EYS: variants seen among roughly 807,000 people sequenced by gnomAD.
EYS encodes the protein protein eyes shut homolog.
Under a neutral mutation model 282.1 loss-of-function variants are expected in EYS, and 250 were observed. That is an observed-to-expected ratio of 0.89 (90% CI 0.80 to 0.98). EYS has a LOEUF of 0.98. Ranked by LOEUF, EYS falls within the 50% of genes least tolerant of loss-of-function variation. The pLI, the probability that EYS is intolerant of heterozygous loss-of-function variation, is 0.00. For missense variants in EYS, 4,016 were observed against 3,709.0 expected (o/e 1.08, Z -2.15); for synonymous variants, 1,355 against 1,282.9 (o/e 1.06, Z -1.20).
intron 13 of EYS, among the ~76,000 whole-genome samples, chr6:65,011,327 C>T (rs1426224626): frequency 6.6e-6 from 1 of 152,212 alleles, no homozygotes; most frequent in East Asian, 1.9e-4. Flanking sequence ...TAATCCCCTG[C>T]ATTGCAGGCC....
intron 12 of EYS, among the ~76,000 whole-genome samples, chr6:65,282,428 A>G (rs1460153709): frequency 6.6e-6 from 1 of 152,034 alleles, no homozygotes; most frequent in Non-Finnish European, 1.5e-5. Flanking sequence ...ATAAAAACAT[A>G]ACATTGGCTC....
chr6:64,210,929 C>G (rs1223539070), intron 31 of EYS, among the ~76,000 whole-genome samples: 1 of 152,172 alleles, frequency 6.6e-6, no homozygotes, highest in Non-Finnish European at 1.5e-5. Flanking sequence ...TTTGCCTGCC[C>G]TTGGACATCA....
At chr6:65,008,636 T>C (rs956453725) in intron 13 of EYS, among the ~76,000 whole-genome samples, 2 of 152,178 alleles carry the variant, frequency 1.3e-5, no homozygotes, top group Non-Finnish European at 2.9e-5. Context: ...CCCTTGTCCA[T>C]ACCCCTTATG....
chr6:64,725,161 T>C (rs564391215), intron 22 of EYS, among the ~76,000 whole-genome samples: 161 of 152,276 alleles, frequency 1.1e-3, no homozygotes, highest in African/African-American at 3.8e-3. Context: ...CTAATATAGA[T>C]GTTGCTTGTA....
intron 29 of EYS, among the ~76,000 whole-genome samples, chr6:64,381,174 C>G (rs1772736932): frequency 6.6e-6 from 1 of 152,050 alleles, no homozygotes; most frequent in Middle Eastern, 3.2e-3. Context: ...TTTCTTTATA[C>G]TAACGTTCTT....
chr6:65,491,264 G>GTT (rs1392343147), intron 4 of EYS: 9 of 165,406 alleles, frequency 5.4e-5, no homozygotes, highest in African/African-American at 2.7e-4. Flanking sequence ...CACTATATCA[G>GTT]TTATATACAC....
chr6:64,368,431 A>G (rs1772248356), intron 29 of EYS, among the ~76,000 whole-genome samples: 1 of 152,104 alleles, frequency 6.6e-6, no homozygotes, highest in Non-Finnish European at 1.5e-5. Flanking sequence ...GGTTAGAATG[A>G]TTTATATTCT....
At chr6:65,564,429 C>G (rs1019902644) in intron 2 of EYS, among the ~76,000 whole-genome samples, 22 of 151,970 alleles carry the variant, frequency 1.4e-4, no homozygotes, top group Non-Finnish European at 2.9e-4. Context: ...AACAGATATA[C>G]AGAGCAATGG....
chr6:65,429,612 G>T lies in EYS; in HGVS notation c.863-24245C>A, dbSNP rs527387066. On this transcript the variant is annotated intron_variant, in intron 5 of 42. Transcript: ENST00000503581. ...CAAACCCAATTTGCTAATTTATGTT[G>T]GTAACACCAACCCTCCAGATTACAC... Among the ~76,000 whole-genome samples, 36 of 152,060 alleles carry T rather than the reference G, an allele frequency of 2.4e-4. No individual in the cohort carries two copies. The East Asian group carries it at 5.4e-3, about 23-fold the overall frequency.
intron 11 of EYS, among the ~76,000 whole-genome samples, chr6:65,326,533 A>G (rs1769627213): frequency 6.6e-6 from 1 of 151,456 alleles, no homozygotes; most frequent in Admixed American, 6.6e-5. Context: ...ATCTTTTCTC[A>G]TACTCCTATA....
At chr6:64,473,291 A>G (rs550207579) in intron 26 of EYS, among the ~76,000 whole-genome samples, 8 of 152,218 alleles carry the variant, frequency 5.3e-5, no homozygotes, top group Non-Finnish European at 1.0e-4. Flanking sequence ...GAGTATAGCA[A>G]ATTTAGTGGC....
At chr6:65,695,976 C>T (rs1384222851) in intron 1 of EYS, among the ~76,000 whole-genome samples, 3 of 151,912 alleles carry the variant, frequency 2.0e-5, no homozygotes, top group Non-Finnish European at 2.9e-5. Context: ...ATTCTAAAGC[C>T]GTATGAAATC....
At chr6:65,386,967 G>A (rs1465811691) in intron 7 of EYS, among the ~76,000 whole-genome samples, 4 of 151,374 alleles carry the variant, frequency 2.6e-5, no homozygotes, top group South Asian at 2.1e-4. Context: ...GGAAAGCAGC[G>A]AGGATCTGTG....
chr6:65,284,717 A>G (rs1380158780), intron 12 of EYS, among the ~76,000 whole-genome samples: 1 of 152,114 alleles, frequency 6.6e-6, no homozygotes, highest in Admixed American at 6.6e-5. Flanking sequence ...TGCCAAGGTA[A>G]ATACAAGTAT....
intron 15 of EYS, among the ~76,000 whole-genome samples, chr6:64,932,857 G>A (rs1768771341): frequency 6.6e-6 from 1 of 151,894 alleles, no homozygotes; most frequent in South Asian, 2.1e-4. Flanking sequence ...GCCACACATG[G>A]TAAAGAACAA....
At chr6:65,682,875 T>C (rs1768885867) in intron 1 of EYS, among the ~76,000 whole-genome samples, 1 of 151,920 alleles carries the variant, frequency 6.6e-6, no homozygotes, top group South Asian at 2.1e-4. Flanking sequence ...GTAAATACCA[T>C]ATGAGAGTGG....
chr6:63,899,547 T>A (rs1449579989), intron 35 of EYS, among the ~76,000 whole-genome samples: 4 of 152,168 alleles, frequency 2.6e-5, no homozygotes, highest in Non-Finnish European at 5.9e-5. Context: ...TACTTACTGT[T>A]CCCCCACTAA....
chr6:65,419,446 T>G (rs1767369596), intron 5 of EYS, among the ~76,000 whole-genome samples: 1 of 151,728 alleles, frequency 6.6e-6, no homozygotes, highest in Admixed American at 6.6e-5. Context: ...AAATATAATT[T>G]ATCAAAAAAA....
chr6:65,085,792 C>A (rs565700572), intron 12 of EYS, among the ~76,000 whole-genome samples: 1 of 152,160 alleles, frequency 6.6e-6, no homozygotes, highest in African/African-American at 2.4e-5. Context: ...TTTGTTTAGT[C>A]AAATGGGACC....
Sources: allele counts gnomAD v4.1 joint callset (sites outside exome capture counted in the v4.1 genomes callset), GRCh38; gene constraint gnomAD v4.1.1; transcripts MANE v1.5; gene names NCBI Gene and HGNC (gene_info 2026-07-23, HGNC 2026-07-21).